Variants in P2RY14 observed in about 807,000 individuals in gnomAD.
The protein encoded by P2RY14 is purinergic receptor P2Y14.
Under a neutral mutation model 0.9 loss-of-function variants are expected in P2RY14, and 2 were observed. The ratio of observed to expected loss-of-function variants is 2.16; its 90% confidence interval spans 0.88 to 6.79. The LOEUF (loss-of-function observed/expected upper bound fraction) is 6.79. Ranked by LOEUF, P2RY14 falls within the 30% of genes most tolerant of loss-of-function variation. P2RY14 has a pLI of 0.05. For missense variants in P2RY14, 378 were observed against 400.1 expected, an observed-to-expected ratio of 0.94 and a Z score of 0.47; for synonymous variants, 158 against 147.2, an observed-to-expected ratio of 1.07 and a Z score of -0.53.
Position 151,214,294 on chromosome 3 carries a change from T to G in P2RY14, c.23A>C (p.Gln8Pro). The change falls in exon 3 of 3, where the codon CAG becomes CCG. Residue 8 changes from glutamine (Q) to proline (P), a missense_variant. Coordinates refer to ENST00000309170, the MANE Select transcript of P2RY14 (RefSeq NM_014879.4). MINSTSTQPPDESCSQNL... is the reference protein window; with the variant it reads MINSTSTPPPDESCSQNL... The stretch of plus-strand genomic sequence containing the variant: ...CTGAGAGCAGGATTCATCTGGAGGC[T>G]GTGTGGAGGTTGAATTGATCATCTT... The G allele has an allele frequency of 6.2e-7, 1 of 1,613,538 alleles. No individual in the cohort carries two copies. Among genetic ancestry groups the G allele is most frequent in the South Asian group, 1.1e-5 (1 of 91,016 alleles).
At chr3:151,234,827 C>T (rs1006045150) in intron 1 of P2RY14, among the ~76,000 whole-genome samples, 2 of 152,174 alleles carry the variant, frequency 1.3e-5, no homozygotes, top group Non-Finnish European at 2.9e-5. Flanking sequence ...CTGTCAAGTT[C>T]CTTAGTCAGG....
At chr3:151,269,706 A>C in intron 1 of P2RY14, 1 of 419,152 alleles carries the variant, frequency 2.4e-6, no homozygotes, top group Non-Finnish European at 4.6e-6. Context: ...ATTTTGATGA[A>C]AATCTTTAGT....
At chr3:151,228,083 T>C (rs910002662) in intron 1 of P2RY14, among the ~76,000 whole-genome samples, 1 of 152,186 alleles carries the variant, frequency 6.6e-6, no homozygotes, top group Non-Finnish European at 1.5e-5. Flanking sequence ...ATTGAATAAC[T>C]CATCAGCAGT....
intron 1 of P2RY14, among the ~76,000 whole-genome samples, chr3:151,267,525 G>T (rs1056798975): frequency 1.3e-5 from 2 of 152,104 alleles, no homozygotes; most frequent in Non-Finnish European, 2.9e-5. Flanking sequence ...AAAAGTGCAA[G>T]CTACAAATGA....
chr3:151,214,130 T>C lies in P2RY14; in HGVS notation c.187A>G (p.Ile63Val), dbSNP rs1442258047. The C allele has an allele frequency of 6.2e-7, 1 of 1,613,878 alleles. No individual in the cohort carries two copies. The highest frequency in any genetic ancestry group is 2.2e-5 in the East Asian group (1 of 44,890). Residue 63 changes from isoleucine to valine, a missense_variant, in exon 3 of 3, where the codon ATT becomes GTT. Transcript: ENST00000309170. ...CTCATCACAAAGTCAGCAATAACAA[T>C]GTTCTTGAGATAGATGATGAAACTC... ...SKSFIIYLKN[I>V]VIADFVMSLT...
At chr3:151,275,718 A>G (rs1047610828) in intron 1 of P2RY14, among the ~76,000 whole-genome samples, 4 of 152,198 alleles carry the variant, frequency 2.6e-5, no homozygotes, top group African/African-American at 7.2e-5. Flanking sequence ...GAACCAGAAA[A>G]TTTAGTAAAG....
chr3:151,275,132 C>T (rs1741629315), intron 1 of P2RY14, among the ~76,000 whole-genome samples: 1 of 152,044 alleles, frequency 6.6e-6, no homozygotes. Context: ...ATAAATGGCT[C>T]CTAGAGTCTA....
intron 1 of P2RY14, among the ~76,000 whole-genome samples, chr3:151,252,554 G>C (rs1737054039): frequency 6.6e-6 from 1 of 152,086 alleles, no homozygotes; most frequent in Admixed American, 6.6e-5. Flanking sequence ...GTAAAGATGT[G>C]TTGCTTCCTT....
intron 1 of P2RY14, among the ~76,000 whole-genome samples, chr3:151,253,439 T>G (rs1737215508): frequency 6.6e-6 from 1 of 152,198 alleles, no homozygotes; most frequent in African/African-American, 2.4e-5. Context: ...CTGTTCTCCC[T>G]CCTCTGGCCT....
chr3:151,236,367 C>T (rs898890770), intron 1 of P2RY14, among the ~76,000 whole-genome samples: 2 of 152,190 alleles, frequency 1.3e-5, no homozygotes, highest in African/African-American at 4.8e-5. Context: ...CTCTGGATCA[C>T]AGAATTAGAA....
At chr3:151,273,342 C>T (rs1222645871) in intron 1 of P2RY14, among the ~76,000 whole-genome samples, 1 of 150,390 alleles carries the variant, frequency 6.6e-6, no homozygotes, top group Non-Finnish European at 1.5e-5. Flanking sequence ...GCAATTCTGC[C>T]TCAGCCTCCT....
chr3:151,247,313 C>T (rs1354802194), intron 1 of P2RY14, among the ~76,000 whole-genome samples: 2 of 151,990 alleles, frequency 1.3e-5, no homozygotes, highest in Admixed American at 6.6e-5. Flanking sequence ...CACATGCACA[C>T]GTATGTTTAT....
chr3:151,247,994 A>G (rs1375802617), intron 1 of P2RY14, among the ~76,000 whole-genome samples: 2 of 126,976 alleles, frequency 1.6e-5, no homozygotes, highest in African/African-American at 5.8e-5. Flanking sequence ...TTGCCTGAGA[A>G]ATAATCTGGA....
At chr3:151,217,583 A>G (rs1554120) in intron 2 of P2RY14, among the ~76,000 whole-genome samples, 14,702 of 152,266 alleles carry the variant, frequency 0.097, 968 homozygotes, top group Middle Eastern at 0.17. Flanking sequence ...ATGCAATTGC[A>G]GATGAGCCTC....
At chr3:151,222,651 A>G (rs1324569102) in intron 1 of P2RY14, among the ~76,000 whole-genome samples, 1 of 152,252 alleles carries the variant, frequency 6.6e-6, no homozygotes, top group Admixed American at 6.5e-5. Context: ...TAAGTCCAGT[A>G]AACCTCTTTC....
chr3:151,230,608 A>G (rs1176614938), intron 1 of P2RY14, among the ~76,000 whole-genome samples: 1 of 147,308 alleles, frequency 6.8e-6, no homozygotes, highest in Non-Finnish European at 1.5e-5. Flanking sequence ...ACTTCCTTCT[A>G]ATGTTTCTTT....
At chr3:151,270,433 C>A (rs1051151541) in intron 1 of P2RY14, among the ~76,000 whole-genome samples, 8 of 152,060 alleles carry the variant, frequency 5.3e-5, no homozygotes, top group African/African-American at 1.9e-4. Context: ...CCACTGAACT[C>A]TCTGGGGAAA....
intron 1 of P2RY14, among the ~76,000 whole-genome samples, chr3:151,274,801 C>G (rs183041047): frequency 5.2e-4 from 79 of 152,228 alleles, no homozygotes; most frequent in Admixed American, 2.6e-4. Context: ...GTGGATATGT[C>G]TGTTAGAATG....
chr3:151,222,522 C>T (rs1729570442), intron 1 of P2RY14, among the ~76,000 whole-genome samples: 1 of 152,152 alleles, frequency 6.6e-6, no homozygotes, highest in African/African-American at 2.4e-5. Flanking sequence ...GGATGGGTCT[C>T]ATGAGATCTG....
Sources: gnomAD v4.1 joint callset for allele counts (sites outside exome capture counted in the v4.1 genomes callset) on GRCh38, gnomAD v4.1.1 for gene constraint, MANE v1.5 for transcripts, NCBI Gene and HGNC (gene_info 2026-07-23, HGNC 2026-07-21) for gene names.